GABRA1: variants seen among roughly 807,000 people sequenced by gnomAD.
GABRA1 encodes gamma-aminobutyric acid receptor subunit alpha-1.
Under a neutral mutation model 48.9 loss-of-function variants are expected in GABRA1, and 9 were observed. That is an observed-to-expected ratio of 0.18 (90% confidence interval 0.11 to 0.32). The LOEUF is 0.32. Among genes scored for constraint, GABRA1 ranks in the 10% least tolerant of loss-of-function variants. The pLI, the probability that GABRA1 is intolerant of heterozygous loss-of-function variation, is 1.00. For missense variants in GABRA1, 285 were observed against 553.8 expected (o/e 0.51, Z 4.87); for synonymous variants, 210 against 198.7 (o/e 1.06, Z -0.48).
At chr5:161,854,419 T>C in intron 3 of GABRA1, 149 bp downstream of exon 3, 1 of 665,504 alleles carries the variant, frequency 1.5e-6, no homozygotes, top group East Asian at 2.7e-5. Context: ...TCTATGTTAA[T>C]TCAAGTTACT....
intron 5 of GABRA1, among the ~76,000 whole-genome samples, chr5:161,874,466 A>G (rs1005541528): frequency 6.6e-6 from 1 of 152,066 alleles, no homozygotes; most frequent in African/African-American, 2.4e-5. Flanking sequence ...GAAACACCAT[A>G]CACTTGGCTT....
chr5:161,891,339 CATAA>C (rs1755080140), intron 8 of GABRA1, among the ~76,000 whole-genome samples: 1 of 151,988 alleles, frequency 6.6e-6, no homozygotes, highest in Non-Finnish European at 1.5e-5. Context: ...ATTAAAAACT[CATAA>C]ATAAAAACTT....
At chr5:161,850,942 A>C (rs1330970283) in intron 2 of GABRA1, 58 bp downstream of exon 2, 1 of 1,430,584 alleles carries the variant, frequency 7.0e-7, no homozygotes, top group Non-Finnish European at 9.9e-7. Context: ...CATTTATTTT[A>C]TCGGGGGAAG....
chr5:161,857,469 T>C (rs1053650238), intron 3 of GABRA1, among the ~76,000 whole-genome samples: 5 of 151,568 alleles, frequency 3.3e-5, no homozygotes, highest in Non-Finnish European at 5.9e-5. Context: ...ACTTGGTTAA[T>C]CTAGATGATA....
At chr5:161,861,983 T>A (rs1482663700) in intron 3 of GABRA1, among the ~76,000 whole-genome samples, 1 of 151,926 alleles carries the variant, frequency 6.6e-6, no homozygotes, top group African/African-American at 2.4e-5. Flanking sequence ...TCTGAGTTCC[T>A]CAGCAGACAG....
At chr5:161,890,069 A>C (rs1474647429) in intron 7 of GABRA1, among the ~76,000 whole-genome samples, 4 of 152,032 alleles carry the variant, frequency 2.6e-5, no homozygotes. Context: ...TATAAGGCAA[A>C]AAGAGAAACA....
At chr5:161,870,949 T>A (rs1754090767) in intron 4 of GABRA1, among the ~76,000 whole-genome samples, 1 of 4,158 alleles carries the variant, frequency 2.4e-4, no homozygotes, top group African/African-American at 3.2e-4. Flanking sequence ...TGTTGCTCTG[T>A]GTGTGTGTGT....
rs1001934280 is a variant in GABRA1 at position 161,898,651 on chromosome 5, G to A, written c.*1229G>A. ...CAAAACTTATAATTTCCAAACTGTT[G>A]TCTAGTATACAGTGATCAGTTGCTC... On this transcript the variant is annotated 3_prime_UTR_variant, in exon 10 of 10. Transcript: ENST00000393943. 2 of 152,416 alleles carry A rather than the reference G, an allele frequency of 1.3e-5. No homozygotes were observed. The highest frequency in any genetic ancestry group is 2.9e-5 in the Non-Finnish European group (2 of 67,970). 9.4% of individuals were successfully genotyped at this position (152,416 alleles called of 1,614,324 possible).
intron 8 of GABRA1, 25 bp downstream of exon 8, chr5:161,891,075 G>A (rs367922970): frequency 4.0e-5 from 64 of 1,608,074 alleles, no homozygotes; most frequent in East Asian, 2.9e-4. Context: ...AGATACATAC[G>A]CAAGGAAGGG....
chr5:161,888,871 AT>A (rs1443136204), intron 7 of GABRA1, among the ~76,000 whole-genome samples: 1 of 152,010 alleles, frequency 6.6e-6, no homozygotes, highest in Non-Finnish European at 1.5e-5. Context: ...ATTCTTATGA[AT>A]TTTGTTTTGA....
intron 8 of GABRA1, among the ~76,000 whole-genome samples, chr5:161,894,184 T>G (rs1459243097): frequency 6.6e-6 from 1 of 152,238 alleles, no homozygotes; most frequent in African/African-American, 2.4e-5. Context: ...ATATTCATGA[T>G]AGCCTTCTGA....
At chr5:161,889,355 G>A (rs996529966) in intron 7 of GABRA1, among the ~76,000 whole-genome samples, 1 of 152,014 alleles carries the variant, frequency 6.6e-6, no homozygotes, top group African/African-American at 2.4e-5. Context: ...TGACTATTTT[G>A]TAGACAAGAA....
At chr5:161,879,156 T>G (rs1399832338) in intron 6 of GABRA1, among the ~76,000 whole-genome samples, 1 of 152,216 alleles carries the variant, frequency 6.6e-6, no homozygotes, top group East Asian at 1.9e-4. Flanking sequence ...TTGCCCAGGC[T>G]GGAGTGCAGT....
At chr5:161,863,017 A>G (rs894885458) in intron 3 of GABRA1, among the ~76,000 whole-genome samples, 4 of 152,036 alleles carry the variant, frequency 2.6e-5, no homozygotes, top group Admixed American at 1.3e-4. Context: ...CTCCAGTACT[A>G]ATCTCATCTT....
At chr5:161,851,056 G>A (rs1313508393) in intron 2 of GABRA1, among the ~76,000 whole-genome samples, 172 bp downstream of exon 2, 1 of 152,142 alleles carries the variant, frequency 6.6e-6, no homozygotes, top group Admixed American at 6.5e-5. Context: ...AAATCATTAT[G>A]TTTGCACGTT....
Position 161,873,125 on chromosome 5 carries a change from A to C in GABRA1, c.264A>C (p.Thr88=), listed in dbSNP as rs1266985254. ...TTTCCAAAATTACCTAGGAATATAC[A>C]ATAGATGTATTTTTCCGTCAAAGCT... is the stretch of plus-strand genomic sequence containing the variant. ...GPVSDHDMEY[T]IDVFFRQSWK... Residue 88 remains threonine, a synonymous_variant, in exon 5 of 10, where the codon ACA becomes ACC. Coordinates refer to ENST00000393943, the MANE Select transcript of GABRA1 (RefSeq NM_001127644.2). 6.2e-7 allele frequency: 1 copy of C among 1,608,126 alleles called. No homozygotes were observed. The highest frequency in any genetic ancestry group is 8.5e-7 in the Non-Finnish European group (1 of 1,174,564).
rs759786297 is a variant in GABRA1, at chr5:161,890,919, C to T, written c.725C>T (p.Thr242Ile). ...TCAGGAGAATATGTTGTTATGACCA[C>T]TCATTTCCACTTGAAGAGAAAGATT... is the stretch of plus-strand genomic sequence containing the variant. ...SSTGEYVVMTTHFHLKRKIGY... is the reference protein window; with the variant it reads ...SSTGEYVVMTIHFHLKRKIGY... The change falls in exon 8 of 10, where the codon ACT becomes ATT. Residue 242 changes from threonine to isoleucine, a missense_variant. Around this residue, in one of 6 missense-constraint regions of GABRA1, gnomAD observed 105 missense variants for 267.4 expected, o/e 0.39. Coordinates refer to ENST00000393943, the MANE Select transcript of GABRA1 (RefSeq NM_001127644.2). 6.2e-7 allele frequency: 1 copy of T among 1,613,444 alleles called. No homozygotes were observed. Among genetic ancestry groups the T allele is most frequent in the Non-Finnish European group, 8.5e-7 (1 of 1,179,490 alleles).
chr5:161,873,386 C>A, intron 5 of GABRA1, 49 bp downstream of exon 5: 5 of 1,427,436 alleles, frequency 3.5e-6, no homozygotes, highest in Non-Finnish European at 4.9e-6. Flanking sequence ...ACTTCATTCC[C>A]TTCCACTTGT....
At chr5:161,852,999 A>G (rs1757510869) in intron 2 of GABRA1, among the ~76,000 whole-genome samples, 1 of 151,932 alleles carries the variant, frequency 6.6e-6, no homozygotes, top group Non-Finnish European at 1.5e-5. Flanking sequence ...CCCAAAGTAT[A>G]TTAAGTAGAA....
Sources: allele counts gnomAD v4.1 joint callset (sites outside exome capture counted in the v4.1 genomes callset), GRCh38; gene constraint gnomAD v4.1.1; regional missense constraint gnomAD v4.1.1; transcripts MANE v1.5; gene names NCBI Gene and HGNC (gene_info 2026-07-23, HGNC 2026-07-21).